The following THOP1 variants were observed in gnomAD, a reference collection of about 807,000 sequenced individuals.
THOP1 encodes the protein thimet oligopeptidase.
A neutral mutation model predicts 71.8 loss-of-function variants in THOP1; 49 were observed. That is an observed-to-expected ratio of 0.68 (90% CI 0.54 to 0.87). The LOEUF is 0.87. Among genes scored for constraint, THOP1 ranks in the 40% least tolerant of loss-of-function variants. The pLI, the probability that THOP1 is intolerant of heterozygous loss-of-function variation, is 0.00. For missense variants in THOP1, 843 were observed against 975.6 expected (o/e 0.86, Z 1.81); for synonymous variants, 426 against 421.5 (o/e 1.01, Z -0.13).
intron 9 of THOP1, 131 bp from the exon 10 acceptor site, chr19:2,810,173 T>C: frequency 1.8e-6 from 2 of 1,085,260 alleles, no homozygotes; most frequent in Non-Finnish European, 2.5e-6. Context: ...AGTTTTGGGG[T>C]GGGAGGGCCG....
Position 2,810,155 on chromosome 19 carries a change from C to T in THOP1, c.1456-149C>T, listed in dbSNP as rs189555510. 46 of 1,025,090 alleles carry T rather than the reference C, an allele frequency of 4.5e-5. No homozygotes were observed. The East Asian group carries it at 4.9e-4, about 11-fold the overall frequency. 63.5% of individuals were successfully genotyped at this position (1,025,090 alleles called of 1,614,324 possible). ...AGCCCAGGGGCCTCCGGGTCCCGGT[C>T]GTTTTCCAGTTTTGGGGTGGGAGGG... On this transcript the variant is annotated intron_variant, in intron 9 of 12. Transcript: ENST00000307741.
At chr19:2,809,578 G>A (rs1916401961) in intron 9 of THOP1, 1 of 152,228 alleles carries the variant, frequency 6.6e-6, no homozygotes, top group Non-Finnish European at 1.5e-5. Flanking sequence ...CAGGAATGAG[G>A]ATCGACCGTG....
chr19:2,787,296 C>T (rs1394916016), intron 1 of THOP1, among the ~76,000 whole-genome samples: 1 of 152,168 alleles, frequency 6.6e-6, no homozygotes, highest in African/African-American at 2.4e-5. Context: ...TTTGTCCAGC[C>T]CATTGCGATG....
In THOP1 at chr19:2,805,986, C is replaced by A. The variant is rs1371407174; in HGVS notation, c.750+810C>A. 2.3e-3 allele frequency: 2 copies of A among 872 alleles called. No homozygotes were observed. Among genetic ancestry groups the A allele is most frequent in the African/African-American group, 0.013 (2 of 154 alleles). The allele number at this position is 872 out of a possible 1,614,324, so 0.1% of individuals were successfully genotyped here. A position where few individuals can be genotyped will look rare whatever the true frequency, so the allele number is the denominator to read the frequency against. On this transcript the variant is annotated intron_variant, in intron 6 of 12. Coordinates refer to ENST00000307741, the MANE Select transcript of THOP1 (RefSeq NM_003249.5). The surrounding 1 kb of genome is among the most constrained non-coding windows in gnomAD (Gnocchi z 6.6). ...GGGGATGGGCGGGTGCCCATCACTG[C>A]GGGGGGTGGGGGACGGGTGGGTACC...
chr19:2,800,483 G>C (rs377203701), intron 5 of THOP1, among the ~76,000 whole-genome samples: 20 of 152,352 alleles, frequency 1.3e-4, no homozygotes, highest in African/African-American at 4.8e-4. Context: ...TGCCCAGGCA[G>C]GCCGGAATAT....
intron 11 of THOP1, 121 bp downstream of exon 11, chr19:2,810,889 C>T: frequency 7.0e-7 from 1 of 1,422,456 alleles, no homozygotes; most frequent in Non-Finnish European, 9.3e-7. Flanking sequence ...GCTGGGGAGC[C>T]ACGGAGCGCG....
chr19:2,810,961 G>T (rs779168041), intron 11 of THOP1, among the ~76,000 whole-genome samples, 193 bp downstream of exon 11: 1 of 152,212 alleles, frequency 6.6e-6, no homozygotes, highest in Non-Finnish European at 1.5e-5. Context: ...GGTCGGGGAC[G>T]GGTGTGCGGC....
chr19:2,809,347 C>G (rs1483705008), intron 9 of THOP1, among the ~76,000 whole-genome samples: 2 of 152,198 alleles, frequency 1.3e-5, no homozygotes, highest in African/African-American at 4.8e-5. Flanking sequence ...AGACAGTGCT[C>G]TGCACAACGC....
chr19:2,795,931 A>G, intron 3 of THOP1, 150 bp from the exon 4 acceptor site: 1 of 599,314 alleles, frequency 1.7e-6, no homozygotes, highest in Non-Finnish European at 3.0e-6. Context: ...ATGTAGAGAC[A>G]GGTCGTCATT....
intron 12 of THOP1, chr19:2,812,473 C>T: frequency 7.6e-7 from 1 of 1,322,108 alleles, no homozygotes; most frequent in Non-Finnish European, 9.8e-7. Flanking sequence ...CCTGTCTTCA[C>T]AGCCCAGCAG....
At chr19:2,800,352 A>AT (rs998041944) in intron 5 of THOP1, among the ~76,000 whole-genome samples, 6 of 151,974 alleles carry the variant, frequency 3.9e-5, no homozygotes, top group African/African-American at 1.2e-4. Context: ...CACCTGGCAA[A>AT]TTTTTTTATT....
In THOP1 at chr19:2,804,225, A is replaced by G. The variant is rs1916234159; in HGVS notation, c.590-791A>G. The stretch of plus-strand genomic sequence containing the variant: ...GAACCCCAGAGGGTTTCAGTCCGGG[A>G]TGCTGCCGCCCCCACTTCTCTTGAG... On this transcript the variant is annotated intron_variant, in intron 5 of 12. Coordinates refer to ENST00000307741, the MANE Select transcript of THOP1 (RefSeq NM_003249.5). The surrounding 1 kb of genome is among the most constrained non-coding windows in gnomAD (Gnocchi z 4.7). Among the ~76,000 whole-genome samples, 1 of 152,190 alleles carries G rather than the reference A, an allele frequency of 6.6e-6. No individual in the cohort carries two copies. Among genetic ancestry groups the G allele is most frequent in the Non-Finnish European group, 1.5e-5 (1 of 68,034 alleles).
chr19:2,797,932 C>T (rs894035782), intron 4 of THOP1, among the ~76,000 whole-genome samples: 2 of 152,202 alleles, frequency 1.3e-5, no homozygotes, highest in Non-Finnish European at 2.9e-5. Context: ...CCAGCACTGA[C>T]GAAAGCGGAG....
rs774665456 is a variant in THOP1 at position 2,807,429 on chromosome 19, G to A, written c.887-13G>A. The A allele has an allele frequency of 3.8e-6, 6 of 1,572,108 alleles. No individual in the cohort carries two copies. The highest frequency in any genetic ancestry group is 3.4e-5 in the South Asian group (3 of 87,268). On this transcript the variant is annotated splice_polypyrimidine_tract_variant and intron_variant, in intron 7 of 12. Transcript: ENST00000307741. The stretch of plus-strand genomic sequence containing the variant: ...CGCGAGGCGAGAGGCCCACCTTTCT[G>A]CCCTCCCCGCAGATGAGCTGGCGCA...
chr19:2,809,911 T>G, intron 9 of THOP1: 6 of 219,504 alleles, frequency 2.7e-5, no homozygotes, highest in Non-Finnish European at 3.6e-5. Flanking sequence ...GGGCTGTGCT[T>G]TTAGGGAAGG....
chr19:2,785,685 A>T lies in THOP1; in HGVS notation c.16+7A>T. On this transcript the variant is annotated splice_region_variant and intron_variant, in intron 1 of 12. Transcript: ENST00000307741. ...GCCATGAAGCCCCCCGCAGGTACCG[A>T]CTACCCCGCTCGCCGGACCCGGGCG... 6.8e-7 allele frequency: 1 copy of T among 1,465,934 alleles called. No homozygotes were observed. The highest frequency in any genetic ancestry group is 2.4e-5 in the Admixed American group (1 of 41,532). 90.8% of individuals were successfully genotyped at this position (1,465,934 alleles called of 1,614,324 possible).
chr19:2,812,305 G>A (rs1159333319), intron 12 of THOP1: 1 of 1,535,446 alleles, frequency 6.5e-7, no homozygotes, highest in Non-Finnish European at 8.7e-7. Context: ...ACAAGGAACA[G>A]GTGGCTACCA....
At chr19:2,799,336 GA>G (rs1916088823) in intron 4 of THOP1, among the ~76,000 whole-genome samples, 1 of 152,140 alleles carries the variant, frequency 6.6e-6, no homozygotes, top group Non-Finnish European at 1.5e-5. Context: ...GAAGAATGTT[GA>G]AAAGCTTAGG....
rs765389968 is a variant in THOP1 at position 2,807,648 on chromosome 19, G to C, written c.1093G>C (p.Val365Leu). The C allele has an allele frequency of 3.7e-6, 6 of 1,610,424 alleles. No individual in the cohort carries two copies. The highest frequency in any genetic ancestry group is 4.2e-6 in the Non-Finnish European group (5 of 1,178,228). Residue 365 changes from valine (V) to leucine (L), a missense_variant, in exon 8 of 13, where the codon GTC becomes CTC. By Grantham distance (32) the Val-to-Leu change is conservative. Coordinates refer to ENST00000307741, the MANE Select transcript of THOP1 (RefSeq NM_003249.5). ...LLKEYFPVQV[V>L]THGLLGIYQE... ...CAAGGAGTACTTCCCCGTGCAGGTGGTCACGCACGGGCTGCTGGGCATCTA... is the reference window on the plus strand; with the variant it reads ...CAAGGAGTACTTCCCCGTGCAGGTGCTCACGCACGGGCTGCTGGGCATCTA...
Sources: gnomAD v4.1 joint callset for allele counts (sites outside exome capture counted in the v4.1 genomes callset) on GRCh38, gnomAD v4.1.1 for gene constraint, Gnocchi (gnomAD v3.1) non-coding constraint, MANE v1.5 for transcripts, NCBI Gene and HGNC (gene_info 2026-07-23, HGNC 2026-07-21) for gene names.